The following RAPH1 variants were observed in gnomAD, a reference collection of about 807,000 sequenced individuals.
The protein encoded by RAPH1 is ras-associated and pleckstrin homology domains-containing protein 1.
A neutral mutation model predicts 88.1 loss-of-function variants in RAPH1; 18 were observed. That is an observed-to-expected ratio of 0.20 (90% CI 0.14 to 0.30). RAPH1 has a LOEUF of 0.30. Among genes scored for constraint, RAPH1 ranks in the 10% least tolerant of loss-of-function variants. The probability of loss-of-function intolerance (pLI) is 1.00; values close to 1 mark genes in which losing one functional copy is unlikely to be tolerated. For missense variants in RAPH1, 1,448 were observed against 1,543.2 expected, an observed-to-expected ratio of 0.94 and a Z score of 1.03; for synonymous variants, 587 against 559.0, an observed-to-expected ratio of 1.05 and a Z score of -0.71.
At chr2:203,476,803 C>T (rs1420248853) in intron 4 of RAPH1, among the ~76,000 whole-genome samples, 2 of 152,062 alleles carry the variant, frequency 1.3e-5, no homozygotes, top group Non-Finnish European at 2.9e-5. Flanking sequence ...TTACAAAAGC[C>T]CTTAGTTTCA....
intron 1 of RAPH1, among the ~76,000 whole-genome samples, chr2:203,507,291 CA>C (rs201174767): frequency 1.5e-4 from 22 of 149,956 alleles, no homozygotes; most frequent in Admixed American, 2.7e-4. Context: ...GATGAAATGA[CA>C]AAAAAAAATC....
intron 1 of RAPH1, among the ~76,000 whole-genome samples, chr2:203,528,047 A>G (rs1242259191): frequency 1.3e-5 from 2 of 152,156 alleles, no homozygotes; most frequent in East Asian, 3.8e-4. Context: ...AAATCATTTA[A>G]AAAATTGTGC....
intron 1 of RAPH1, among the ~76,000 whole-genome samples, chr2:203,523,192 G>C (rs943555158): frequency 1.4e-4 from 21 of 152,150 alleles, no homozygotes; most frequent in African/African-American, 5.1e-4. Context: ...AGGAGATCAA[G>C]ACCATCCTGG....
intron 4 of RAPH1, among the ~76,000 whole-genome samples, chr2:203,477,507 C>T (rs1393264242): frequency 6.6e-6 from 1 of 152,088 alleles, no homozygotes; most frequent in African/African-American, 2.4e-5. Flanking sequence ...ATTAATTTTT[C>T]CCCTTATGTT....
At chr2:203,479,189 A>G (rs1490375573) in intron 4 of RAPH1, among the ~76,000 whole-genome samples, 1 of 152,246 alleles carries the variant, frequency 6.6e-6, no homozygotes, top group African/African-American at 2.4e-5. Context: ...ACTATTCTTT[A>G]AAGGTTTTGT....
At chr2:203,488,449 C>T (rs1559480798) in intron 4 of RAPH1, among the ~76,000 whole-genome samples, 1 of 151,608 alleles carries the variant, frequency 6.6e-6, no homozygotes, top group Non-Finnish European at 1.5e-5. Flanking sequence ...ATTAGCCAGG[C>T]ATGGTGGCAC....
rs1006438208 is a variant in RAPH1, at chr2:203,457,261, C to T, written c.1158+269G>A. On this transcript the variant is annotated intron_variant, in intron 8 of 13. Coordinates refer to ENST00000319170, the MANE Select transcript of RAPH1 (RefSeq NM_213589.3). ...GGAATGCAGTGGTGCAATCTCGGCT[C>T]GCTGCAACCTCCGCATCCCGGGTTC... Among the ~76,000 whole-genome samples the T allele has an allele frequency of 5.3e-5, 8 of 152,032 alleles. No individual in the cohort carries two copies. The South Asian group carries it at 6.2e-4, about 12-fold the overall frequency.
At chr2:203,530,955 ATGAG>A (rs1383570631) in intron 1 of RAPH1, among the ~76,000 whole-genome samples, 2 of 152,196 alleles carry the variant, frequency 1.3e-5, no homozygotes, top group African/African-American at 4.8e-5. Context: ...GTATATATGA[ATGAG>A]TATGAGTGCC....
intron 1 of RAPH1, among the ~76,000 whole-genome samples, chr2:203,528,996 TATATATA>T (rs1559508253): frequency 1.0e-4 from 9 of 87,808 alleles, no homozygotes; most frequent in African/African-American, 1.7e-4. Context: ...TATATATATA[TATATATA>T]TATTTTTTTT....
chr2:203,519,214 T>C (rs1689757193), intron 1 of RAPH1, among the ~76,000 whole-genome samples: 1 of 152,126 alleles, frequency 6.6e-6, no homozygotes, highest in African/African-American at 2.4e-5. Context: ...CTATAAACCA[T>C]TATCTCATGA....
intron 4 of RAPH1, among the ~76,000 whole-genome samples, chr2:203,478,267 C>G (rs1687561344): frequency 6.6e-6 from 1 of 152,054 alleles, no homozygotes; most frequent in Non-Finnish European, 1.5e-5. Flanking sequence ...ATCTCCTGAC[C>G]TCGTGATCCG....
chr2:203,461,556 T>TC lies in RAPH1; in HGVS notation c.811-149_811-148insG. 7 of 485,692 alleles carry TC rather than the reference T, an allele frequency of 1.4e-5. No individual in the cohort carries two copies. The South Asian group carries it at 2.8e-4, about 20-fold the overall frequency. 30.1% of individuals were successfully genotyped at this position (485,692 alleles called of 1,614,324 possible). Reference sequence around the variant, plus strand: ...GACTTCATTATGCAAAAATATAGGCTAAAAATCAGACATCAAATAACCTGT... The same window carrying TC: ...GACTTCATTATGCAAAAATATAGGCTCAAAAATCAGACATCAAATAACCTGT... On this transcript the variant is annotated intron_variant, in intron 5 of 13. Transcript: ENST00000319170.
At chr2:203,500,092 G>T (rs1415333613) in intron 1 of RAPH1, among the ~76,000 whole-genome samples, 4 of 152,120 alleles carry the variant, frequency 2.6e-5, no homozygotes, top group South Asian at 2.1e-4. Context: ...GACACTGGAG[G>T]AACAGAGATG....
Position 203,524,244 on chromosome 2 carries a change from A to G in RAPH1, c.-1+10867T>C, listed in dbSNP as rs560712719. ...GAATTAAAGCTACGGTTATATCATT[A>G]CATACCCATTAAAATGGCTAGAATG... On this transcript the variant is annotated intron_variant, in intron 1 of 13. Coordinates refer to ENST00000319170, the MANE Select transcript of RAPH1 (RefSeq NM_213589.3). Among the ~76,000 whole-genome samples, 4 of 152,352 alleles carry G rather than the reference A, an allele frequency of 2.6e-5. No individual in the cohort carries two copies. The East Asian group carries it at 5.8e-4, about 22-fold the overall frequency.
chr2:203,441,975 A>G, intron 13 of RAPH1: 4 of 1,505,982 alleles, frequency 2.7e-6, no homozygotes, highest in East Asian at 2.4e-5. Flanking sequence ...CACAGGAATG[A>G]ATAAGCTTGA....
At chr2:203,458,240 G>C (rs935567169) in intron 7 of RAPH1, among the ~76,000 whole-genome samples, 6 of 152,064 alleles carry the variant, frequency 3.9e-5, no homozygotes, top group African/African-American at 7.2e-5. Flanking sequence ...GTGGCAGCAC[G>C]CACCTGTAGT....
rs993160169 is a variant in RAPH1 at position 203,448,252 on chromosome 2, TCTC to T, written c.1513-176_1513-174del. 3.3e-5 allele frequency among the ~76,000 whole-genome samples: 5 copies of T among 152,314 alleles called. No homozygotes were observed. The highest frequency in any genetic ancestry group is 4.8e-5 in the African/African-American group (2 of 41,570). On this transcript the variant is annotated intron_variant, in intron 11 of 13. Transcript: ENST00000319170. The surrounding 1 kb of genome is among the most constrained non-coding windows in gnomAD (Gnocchi z 4.1). ...CCATAAATTATAATCTATTCTTATT[TCTC>T]CTCATTTTTAGAGGGGCAGCAAGAA...
intron 4 of RAPH1, 100 bp from the exon 5 acceptor site, chr2:203,462,025 A>C: frequency 1.1e-6 from 1 of 886,922 alleles, no homozygotes; most frequent in Non-Finnish European, 1.7e-6. Flanking sequence ...AAATTTCATT[A>C]AGAATATAAC....
intron 4 of RAPH1, among the ~76,000 whole-genome samples, chr2:203,468,543 T>C (rs1392575305): frequency 1.3e-5 from 2 of 152,234 alleles, no homozygotes; most frequent in Non-Finnish European, 2.9e-5. Flanking sequence ...GTTCTACTCC[T>C]TTCTTTCCTT....
Sources: gnomAD v4.1 joint callset for allele counts (sites outside exome capture counted in the v4.1 genomes callset) on GRCh38, gnomAD v4.1.1 for gene constraint, Gnocchi (gnomAD v3.1) non-coding constraint, MANE v1.5 for transcripts, NCBI Gene and HGNC (gene_info 2026-07-23, HGNC 2026-07-21) for gene names.